ABCC1: variants seen among roughly 807,000 people sequenced by gnomAD.
The protein encoded by ABCC1 is multidrug resistance-associated protein 1.
Under a neutral mutation model 172.9 loss-of-function variants are expected in ABCC1, and 83 were observed. That is an observed-to-expected ratio of 0.48 (90% CI 0.40 to 0.58). The LOEUF (loss-of-function observed/expected upper bound fraction) is 0.58, where lower values mean the gene tolerates loss of function less well. ABCC1 is among the 20% of genes least tolerant of loss of function. The pLI is 0.00. For synonymous variants in ABCC1, 937 were observed against 825.2 expected (o/e 1.14, Z -2.32); for missense variants, 1,817 against 2,002.7 (o/e 0.91, Z 1.77).
chr16:16,079,739 G>A (rs1004773976), intron 16 of ABCC1, among the ~76,000 whole-genome samples: 1 of 151,820 alleles, frequency 6.6e-6, no homozygotes, highest in African/African-American at 2.4e-5. Context: ...CCAGTATATA[G>A]TAGGCACTTA....
intron 23 of ABCC1, among the ~76,000 whole-genome samples, chr16:16,117,675 G>T (rs2044952987): frequency 6.6e-6 from 1 of 152,220 alleles, no homozygotes; most frequent in Admixed American, 6.5e-5. Context: ...GGAGGCCGAG[G>T]CGCGTGTATC....
At position 16,141,396 on chromosome 16, in the gene ABCC1, C is replaced by G. The variant is rs997029511; in HGVS notation, c.*115C>G. The G allele has an allele frequency of 3.3e-6, 3 of 911,532 alleles. No individual in the cohort carries two copies. The African/African-American group carries it at 5.0e-5, about 15-fold the overall frequency. 56.5% of individuals were successfully genotyped at this position (911,532 alleles called of 1,614,324 possible). Reference sequence around the variant, plus strand: ...CACACTGAAACCAAAACATAAAAACCAAACCCAGACAACCAAAACATATTC... The same window carrying G: ...CACACTGAAACCAAAACATAAAAACGAAACCCAGACAACCAAAACATATTC... On this transcript the variant is annotated 3_prime_UTR_variant, in exon 31 of 31. Coordinates refer to ENST00000399410, the MANE Select transcript of ABCC1 (RefSeq NM_004996.4).
chr16:16,032,962 C>A, intron 5 of ABCC1, 147 bp from the exon 6 acceptor site: 1 of 697,254 alleles, frequency 1.4e-6, no homozygotes, highest in East Asian at 2.7e-5. Context: ...GGAGAGGGTC[C>A]TTTTGGGGTG....
At chr16:15,998,578 GCCTTCCTTC>G (rs1356761208) in intron 1 of ABCC1, among the ~76,000 whole-genome samples, 12 of 152,142 alleles carry the variant, frequency 7.9e-5, no homozygotes, top group Non-Finnish European at 1.5e-4. Context: ...CTCTCGTCAT[GCCTTCCTTC>G]CCTTCCTTCT....
At chr16:16,046,079 C>T in intron 9 of ABCC1, 66 bp downstream of exon 9, 1 of 1,551,168 alleles carries the variant, frequency 6.4e-7, no homozygotes, top group Non-Finnish European at 8.8e-7. Flanking sequence ...CCCTGGGTTA[C>T]TCTGGGGCCA....
chr16:16,128,405 T>C (rs999827992), intron 26 of ABCC1, among the ~76,000 whole-genome samples: 1 of 151,878 alleles, frequency 6.6e-6, no homozygotes, highest in Non-Finnish European at 1.5e-5. Flanking sequence ...CGCCTCAGCC[T>C]CCCAAAGTGC....
intron 1 of ABCC1, among the ~76,000 whole-genome samples, chr16:15,996,798 A>G (rs1310478960): frequency 6.6e-6 from 1 of 152,144 alleles, no homozygotes; most frequent in Non-Finnish European, 1.5e-5. Context: ...AAGGCAGGTC[A>G]AGGCCAGGGT....
chr16:16,115,906 T>TC (rs2044840758), intron 23 of ABCC1, among the ~76,000 whole-genome samples: 1 of 151,580 alleles, frequency 6.6e-6, no homozygotes, highest in African/African-American at 2.4e-5. Flanking sequence ...TTTCTTTCTT[T>TC]TTTTTTTTTA....
chr16:16,098,662 A>AGGGGTT (rs1223733689), intron 19 of ABCC1, among the ~76,000 whole-genome samples: 3 of 152,190 alleles, frequency 2.0e-5, no homozygotes, highest in South Asian at 2.1e-4. Context: ...CTTTGGAGAA[A>AGGGGTT]GGGGTTGGTC....
intron 12 of ABCC1, among the ~76,000 whole-genome samples, chr16:16,057,759 C>T (rs533153403): frequency 1.3e-5 from 2 of 151,972 alleles, no homozygotes; most frequent in Non-Finnish European, 2.9e-5. Context: ...TCATTCTGGT[C>T]TACTTCATTT....
chr16:16,036,492 G>C lies in ABCC1; in HGVS notation c.698G>C (p.Arg233Pro). 2 of 1,613,526 alleles carry C rather than the reference G, an allele frequency of 1.2e-6. No homozygotes were observed. Among genetic ancestry groups the C allele is most frequent in the Non-Finnish European group, 1.7e-6 (2 of 1,179,734 alleles). Reference sequence around the variant, plus strand: ...CCCAGGTTGATTGTCCGGGGCTACCGCCAGCCCCTGGAGGGCAGTGACCTC... The same window carrying C: ...CCCAGGTTGATTGTCCGGGGCTACCCCCAGCCCCTGGAGGGCAGTGACCTC... ...WITGLIVRGY[R>P]QPLEGSDLWS... Residue 233 changes from arginine (R) to proline (P), a missense_variant, in exon 7 of 31, where the codon CGC becomes CCC. Arg to Pro is a moderately radical substitution (Grantham distance 103). This residue lies in a region of ABCC1 where 398 missense variants were observed against 384.2 expected (regional missense o/e 1.04). Coordinates refer to ENST00000399410, the MANE Select transcript of ABCC1 (RefSeq NM_004996.4).
chr16:16,044,404 G>A (rs1260298469), intron 7 of ABCC1, 46 bp from the exon 8 acceptor site: 20 of 1,530,140 alleles, frequency 1.3e-5, no homozygotes, highest in Non-Finnish European at 1.8e-5. Flanking sequence ...GTAGGGGGCT[G>A]CATCTCTGGC....
intron 26 of ABCC1, among the ~76,000 whole-genome samples, chr16:16,128,949 A>G (rs1271730800): frequency 6.6e-6 from 1 of 152,134 alleles, no homozygotes; most frequent in East Asian, 1.9e-4. Context: ...GAGCTGAAGA[A>G]ACATCACTGC....
chr16:16,020,237 T>G (rs2048148388), intron 5 of ABCC1, among the ~76,000 whole-genome samples: 1 of 152,190 alleles, frequency 6.6e-6, no homozygotes, highest in Non-Finnish European at 1.5e-5. Flanking sequence ...CTGCCTCTTG[T>G]GCAGTGAGAT....
intron 5 of ABCC1, among the ~76,000 whole-genome samples, chr16:16,019,962 C>A (rs930855098): frequency 6.6e-6 from 1 of 152,150 alleles, no homozygotes; most frequent in Non-Finnish European, 1.5e-5. Context: ...CTCGCTCTGT[C>A]GCCAAGGCTG....
intron 14 of ABCC1, 125 bp downstream of exon 14, chr16:16,071,854 C>A (rs865806678): frequency 1.2e-6 from 1 of 845,188 alleles, no homozygotes; most frequent in Non-Finnish European, 1.9e-6. Flanking sequence ...CGCTTGTCTG[C>A]GAGACCCCGG....
At position 16,009,912 on chromosome 16, in the gene ABCC1, G is replaced by A. The variant is rs2047711450; in HGVS notation, c.351+11G>A. The A allele has an allele frequency of 2.5e-6, 4 of 1,590,822 alleles. No homozygotes were observed. Among genetic ancestry groups the A allele is most frequent in the African/African-American group, 1.4e-5 (1 of 73,888 alleles). Reference sequence around the variant, plus strand: ...TTGGGCATCACCATGGTAAGTAGGAGCTGGCTGTGACCCCTGGGCCATCTG... The same window carrying A: ...TTGGGCATCACCATGGTAAGTAGGAACTGGCTGTGACCCCTGGGCCATCTG... On this transcript the variant is annotated intron_variant, in intron 3 of 30. Coordinates refer to ENST00000399410, the MANE Select transcript of ABCC1 (RefSeq NM_004996.4).
At chr16:16,085,910 C>T (rs957393346) in intron 17 of ABCC1, among the ~76,000 whole-genome samples, 8 of 152,226 alleles carry the variant, frequency 5.3e-5, no homozygotes, top group Admixed American at 1.3e-4. Flanking sequence ...GTTGGCTTAT[C>T]TGTCATGGTG....
At chr16:15,999,708 C>T (rs73513977) in intron 1 of ABCC1, among the ~76,000 whole-genome samples, 6,175 of 146,004 alleles carry the variant, frequency 0.042, 457 homozygotes, top group African/African-American at 0.14. Context: ...TCCAGCTGTC[C>T]TCCCATTTCG....
Sources: allele counts gnomAD v4.1 joint callset (sites outside exome capture counted in the v4.1 genomes callset), GRCh38; gene constraint gnomAD v4.1.1; regional missense constraint gnomAD v4.1.1; transcripts MANE v1.5; gene names NCBI Gene and HGNC (gene_info 2026-07-23, HGNC 2026-07-21).